Variants in SLC4A4 observed in about 807,000 individuals in gnomAD.
The protein encoded by SLC4A4 is electrogenic sodium bicarbonate cotransporter 1.
SLC4A4 carries 27 observed loss-of-function variants against 111.5 expected under a neutral mutation model. The observed-to-expected ratio is 0.24, with a 90% CI of 0.18 to 0.33. SLC4A4 has a LOEUF of 0.33. Among genes scored for constraint, SLC4A4 ranks in the 10% least tolerant of loss-of-function variants. SLC4A4 has a pLI of 1.00. For missense variants in SLC4A4, 909 were observed against 1,315.5 expected (o/e 0.69, Z 4.78); for synonymous variants, 443 against 463.4 (o/e 0.96, Z 0.57).
chr4:71,261,066 C>T (rs1721819068), intron 3 of SLC4A4, among the ~76,000 whole-genome samples: 1 of 152,138 alleles, frequency 6.6e-6, no homozygotes, highest in East Asian at 1.9e-4. Context: ...TCTCACTAGG[C>T]GTTCTTTTGC....
chr4:71,312,125 C>T (rs1322884953), intron 3 of SLC4A4, among the ~76,000 whole-genome samples: 1 of 152,190 alleles, frequency 6.6e-6, no homozygotes, highest in Non-Finnish European at 1.5e-5. Context: ...CAACTACCAT[C>T]AGAGAATACT....
At chr4:71,146,803 A>G (rs531423643) in intron 2 of SLC4A4, among the ~76,000 whole-genome samples, 1 of 152,346 alleles carries the variant, frequency 6.6e-6, no homozygotes, top group Non-Finnish European at 1.5e-5. Flanking sequence ...TGTAACGACC[A>G]TCAAGGCTAG....
intron 2 of SLC4A4, among the ~76,000 whole-genome samples, chr4:71,124,857 C>T (rs1166232432): frequency 6.6e-6 from 1 of 152,154 alleles, no homozygotes; most frequent in Non-Finnish European, 1.5e-5. Context: ...ACTTTTAGTT[C>T]CTATTTCCAC....
chr4:71,536,887 A>G (rs1009001898), intron 18 of SLC4A4, among the ~76,000 whole-genome samples: 3 of 151,710 alleles, frequency 2.0e-5, no homozygotes, highest in Non-Finnish European at 4.4e-5. Context: ...TTGCATATCT[A>G]TCTATCTTTG....
intron 16 of SLC4A4, among the ~76,000 whole-genome samples, chr4:71,502,634 A>G (rs761796257): frequency 6.6e-6 from 1 of 152,322 alleles, no homozygotes; most frequent in East Asian, 1.9e-4. Context: ...ATGTGTTTGT[A>G]AAGGTTTCAA....
At chr4:71,149,962 A>AT (rs548253118) in intron 2 of SLC4A4, among the ~76,000 whole-genome samples, 38 of 152,144 alleles carry the variant, frequency 2.5e-4, no homozygotes, top group Non-Finnish European at 4.3e-4. Context: ...AATGTTCTTT[A>AT]TTTTTTTAAA....
intron 14 of SLC4A4, among the ~76,000 whole-genome samples, chr4:71,480,678 T>C (rs190771213): frequency 6.6e-6 from 1 of 151,804 alleles, no homozygotes; most frequent in Admixed American, 6.6e-5. Context: ...TGCCTTAAGA[T>C]GTTTCTTAAA....
chr4:71,128,168 C>T (rs1017683535), intron 2 of SLC4A4, among the ~76,000 whole-genome samples: 49 of 152,220 alleles, frequency 3.2e-4, no homozygotes, highest in African/African-American at 1.1e-3. Context: ...CACAGTTCCA[C>T]CTGGCTGGGG....
intron 5 of SLC4A4, among the ~76,000 whole-genome samples, chr4:71,356,465 A>G (rs1730291912): frequency 6.6e-6 from 1 of 152,220 alleles, no homozygotes; most frequent in Admixed American, 6.5e-5. Flanking sequence ...ATAATTTTGT[A>G]GTTTAATCTT....
chr4:71,315,511 C>G (rs1043331243), intron 3 of SLC4A4, among the ~76,000 whole-genome samples: 1 of 152,076 alleles, frequency 6.6e-6, no homozygotes, highest in African/African-American at 2.4e-5. Context: ...GGTACAGGCA[C>G]TGATGTGGAC....
intron 14 of SLC4A4, among the ~76,000 whole-genome samples, chr4:71,485,284 CTTA>C: frequency 6.6e-6 from 1 of 151,684 alleles, no homozygotes; most frequent in South Asian, 2.1e-4. Flanking sequence ...ATATATGTCT[CTTA>C]TTATTTTGAA....
At chr4:71,275,445 T>C (rs994142165) in intron 3 of SLC4A4, among the ~76,000 whole-genome samples, 4 of 152,244 alleles carry the variant, frequency 2.6e-5, no homozygotes, top group Admixed American at 1.3e-4. Flanking sequence ...TTGTTCAAAC[T>C]GGTTATCATA....
intron 20 of SLC4A4, among the ~76,000 whole-genome samples, chr4:71,554,605 T>C (rs1340821278): frequency 6.6e-6 from 1 of 151,870 alleles, no homozygotes; most frequent in African/African-American, 2.4e-5. Context: ...TTAGTTCTCA[T>C]AATATTTGCA....
intron 1 of SLC4A4, among the ~76,000 whole-genome samples, chr4:71,225,594 T>G (rs1718996363): frequency 6.6e-6 from 1 of 152,160 alleles, no homozygotes; most frequent in African/African-American, 2.4e-5. Context: ...ATGGGAGATG[T>G]GAACACTGTG....
At chr4:71,439,496 A>G (rs2149056061) in intron 7 of SLC4A4, among the ~76,000 whole-genome samples, 1 of 134,646 alleles carries the variant, frequency 7.4e-6, no homozygotes, top group East Asian at 2.3e-4. Context: ...CAGCACCTCC[A>G]TCTTGCCAAA....
intron 7 of SLC4A4, among the ~76,000 whole-genome samples, chr4:71,436,185 A>T (rs1240298702): frequency 2.6e-5 from 4 of 152,228 alleles, no homozygotes; most frequent in African/African-American, 9.6e-5. Context: ...TAGACTGGAT[A>T]AAGAAAATGT....
intron 2 of SLC4A4, among the ~76,000 whole-genome samples, chr4:71,120,418 T>C (rs1290273094): frequency 2.0e-5 from 3 of 152,204 alleles, no homozygotes; most frequent in Non-Finnish European, 4.4e-5. Context: ...CTCCACAGTG[T>C]GTGGGCCTTG....
chr4:71,147,552 C>T (rs1359147305), intron 2 of SLC4A4, among the ~76,000 whole-genome samples: 2 of 152,092 alleles, frequency 1.3e-5, no homozygotes, highest in East Asian at 3.9e-4. Context: ...TCTGCCAGTG[C>T]TCTATGATGG....
At chr4:71,198,973 A>G (rs1266986936) in intron 1 of SLC4A4, among the ~76,000 whole-genome samples, 5 of 152,206 alleles carry the variant, frequency 3.3e-5, no homozygotes, top group Non-Finnish European at 5.9e-5. Context: ...TGGATTAAGT[A>G]TTTATACAAT....
Sources: gnomAD v4.1 joint callset for allele counts (sites outside exome capture counted in the v4.1 genomes callset) on GRCh38, gnomAD v4.1.1 for gene constraint, MANE v1.5 for transcripts, NCBI Gene and HGNC (gene_info 2026-07-23, HGNC 2026-07-21) for gene names.